Variants in SRBD1 observed in about 807,000 individuals in gnomAD.
SRBD1 encodes the protein S1 RNA-binding domain-containing protein 1.
In SRBD1, 88 loss-of-function variants were observed where a neutral mutation model predicts 115.3. The ratio of observed to expected loss-of-function variants is 0.76; its 90% CI spans 0.64 to 0.91. SRBD1 has a LOEUF of 0.91. SRBD1 is among the 40% of genes least tolerant of loss of function. The probability of loss-of-function intolerance (pLI) is 0.00; values close to 1 mark genes in which losing one functional copy is unlikely to be tolerated. For synonymous variants in SRBD1, 509 were observed against 407.7 expected, an observed-to-expected ratio of 1.25 and a Z score of -2.99; for missense variants, 1,385 against 1,177.4, an observed-to-expected ratio of 1.18 and a Z score of -2.58.
chr2:45,480,170 C>G (rs774860573), intron 15 of SRBD1, among the ~76,000 whole-genome samples: 2 of 152,146 alleles, frequency 1.3e-5, no homozygotes, highest in Non-Finnish European at 2.9e-5. Flanking sequence ...AAGATTAATA[C>G]TGTTTTCATG....
At chr2:45,443,791 T>A (rs1200593452) in intron 16 of SRBD1, among the ~76,000 whole-genome samples, 1 of 132,902 alleles carries the variant, frequency 7.5e-6, no homozygotes, top group Non-Finnish European at 1.6e-5. Context: ...TGCAAATAGT[T>A]CTGAAGTTAT....
intron 16 of SRBD1, among the ~76,000 whole-genome samples, chr2:45,437,671 T>C (rs1281006424): frequency 6.6e-6 from 1 of 152,190 alleles, no homozygotes; most frequent in Non-Finnish European, 1.5e-5. Flanking sequence ...GAGGTTGCAG[T>C]GAACCAAGAT....
intron 19 of SRBD1, among the ~76,000 whole-genome samples, chr2:45,412,011 G>A (rs772704952): frequency 6.6e-6 from 1 of 152,054 alleles, no homozygotes; most frequent in Non-Finnish European, 1.5e-5. Flanking sequence ...TACTTAGGAG[G>A]TTGACGCGCA....
intron 4 of SRBD1, among the ~76,000 whole-genome samples, chr2:45,595,184 C>G (rs183090851): frequency 6.6e-6 from 1 of 152,150 alleles, no homozygotes; most frequent in Admixed American, 6.5e-5. Flanking sequence ...CAAGTGTTGA[C>G]TATATAGTTC....
intron 14 of SRBD1, among the ~76,000 whole-genome samples, chr2:45,497,529 C>G (rs973616765): frequency 6.6e-6 from 1 of 152,184 alleles, no homozygotes; most frequent in African/African-American, 2.4e-5. Context: ...CACACCCCCA[C>G]AGTTTCTACT....
intron 16 of SRBD1, among the ~76,000 whole-genome samples, chr2:45,473,765 T>G (rs1384715387): frequency 1.3e-5 from 2 of 152,232 alleles, no homozygotes; most frequent in Admixed American, 1.3e-4. Flanking sequence ...TGAAATTTCA[T>G]AAGCAGGAAT....
chr2:45,404,802 G>A (rs1558555728), intron 19 of SRBD1, among the ~76,000 whole-genome samples: 1 of 151,974 alleles, frequency 6.6e-6, no homozygotes, highest in East Asian at 1.9e-4. Context: ...GCCTCCCAAT[G>A]CCCTTTTGAC....
chr2:45,424,911 T>A (rs957930393), intron 16 of SRBD1, among the ~76,000 whole-genome samples: 3 of 152,334 alleles, frequency 2.0e-5, no homozygotes, highest in South Asian at 4.2e-4. Context: ...CTTCTTTTGA[T>A]TCAAGTATGA....
chr2:45,537,356 A>G (rs1249440879), intron 14 of SRBD1, among the ~76,000 whole-genome samples: 1 of 152,160 alleles, frequency 6.6e-6, no homozygotes, highest in Non-Finnish European at 1.5e-5. Flanking sequence ...ACCAACTGAC[A>G]TATATAAAAA....
At chr2:45,398,573 G>A (rs1213765591) in intron 19 of SRBD1, among the ~76,000 whole-genome samples, 1 of 152,064 alleles carries the variant, frequency 6.6e-6, no homozygotes, top group African/African-American at 2.4e-5. Context: ...ATTGTATGTA[G>A]GAGAATATAT....
At chr2:45,600,868 G>T (rs778583970) in intron 3 of SRBD1, among the ~76,000 whole-genome samples, 76 of 151,984 alleles carry the variant, frequency 5.0e-4, no homozygotes, top group Non-Finnish European at 8.8e-5. Flanking sequence ...ATTTTTTCCA[G>T]AATCACTATT....
At chr2:45,496,422 A>G (rs537059888) in intron 14 of SRBD1, among the ~76,000 whole-genome samples, 1 of 152,252 alleles carries the variant, frequency 6.6e-6, no homozygotes, top group Middle Eastern at 3.4e-3. Context: ...AAAAAAGAAA[A>G]CCCCAAATAA....
At chr2:45,608,990 T>C (rs1558511381) in intron 1 of SRBD1, among the ~76,000 whole-genome samples, 1 of 152,010 alleles carries the variant, frequency 6.6e-6, no homozygotes, top group Admixed American at 6.5e-5. Context: ...CTATTTTTGA[T>C]AGAGACGGGG....
chr2:45,397,845 C>T (rs1023382618), intron 19 of SRBD1, among the ~76,000 whole-genome samples: 8 of 152,144 alleles, frequency 5.3e-5, no homozygotes, highest in African/African-American at 1.9e-4. Flanking sequence ...GAGATCCACC[C>T]ACCTTGGCCT....
At chr2:45,489,113 T>C (rs750091084) in intron 14 of SRBD1, among the ~76,000 whole-genome samples, 12 of 152,214 alleles carry the variant, frequency 7.9e-5, no homozygotes, top group Non-Finnish European at 1.5e-4. Flanking sequence ...TGCCATTTTG[T>C]ACAGCTTATG....
intron 10 of SRBD1, among the ~76,000 whole-genome samples, chr2:45,557,760 A>T (rs1356932706): frequency 1.3e-5 from 2 of 152,234 alleles, no homozygotes; most frequent in African/African-American, 4.8e-5. Flanking sequence ...TAAATCTTTA[A>T]ACTTAAAGAA....
chr2:45,559,341 T>A (rs1449325066), intron 10 of SRBD1, among the ~76,000 whole-genome samples: 1 of 152,214 alleles, frequency 6.6e-6, no homozygotes, highest in East Asian at 1.9e-4. Context: ...TGTGTCAACA[T>A]CTCAATCTTC....
intron 10 of SRBD1, among the ~76,000 whole-genome samples, chr2:45,553,960 A>C (rs912097267): frequency 1.6e-4 from 25 of 152,242 alleles, no homozygotes; most frequent in African/African-American, 6.0e-4. Context: ...TAAAACAAGG[A>C]AAAAATTTCC....
At chr2:45,593,614 A>T (rs1433075897) in intron 4 of SRBD1, among the ~76,000 whole-genome samples, 1 of 152,240 alleles carries the variant, frequency 6.6e-6, no homozygotes, top group Non-Finnish European at 1.5e-5. Flanking sequence ...AGCCTTAATC[A>T]TCCAGGCAGC....
Sources: gnomAD v4.1 joint callset for allele counts (sites outside exome capture counted in the v4.1 genomes callset) on GRCh38, gnomAD v4.1.1 for gene constraint, MANE v1.5 for transcripts, NCBI Gene and HGNC (gene_info 2026-07-23, HGNC 2026-07-21) for gene names.